CYRIA: variants seen among roughly 807,000 people sequenced by gnomAD.
CYRIA encodes CYFIP-related Rac1 interactor A.
A neutral mutation model predicts 43.9 loss-of-function variants in CYRIA; 15 were observed. The ratio of observed to expected loss-of-function variants is 0.34; its 90% CI spans 0.23 to 0.53. CYRIA has a LOEUF of 0.53. Ranked by LOEUF, CYRIA falls within the 20% of genes least tolerant of loss-of-function variation. The probability of loss-of-function intolerance (pLI) is 0.94; values close to 1 mark genes in which losing one functional copy is unlikely to be tolerated. For missense variants in CYRIA, 236 were observed against 394.2 expected (o/e 0.60, Z 3.40); for synonymous variants, 117 against 136.0 (o/e 0.86, Z 0.97).
At chr2:16,572,977 G>A (rs775590585) in intron 3 of CYRIA, among the ~76,000 whole-genome samples, 2 of 152,064 alleles carry the variant, frequency 1.3e-5, no homozygotes, top group Non-Finnish European at 2.9e-5. Context: ...TAAGCTTCTT[G>A]AACAAGAGAT....
chr2:16,572,912 T>G (rs1398749604), intron 3 of CYRIA, among the ~76,000 whole-genome samples: 1 of 152,224 alleles, frequency 6.6e-6, no homozygotes, highest in Non-Finnish European at 1.5e-5. Flanking sequence ...TCTTCCCTAC[T>G]ACCTGCACTA....
At chr2:16,660,025 A>G (rs1243897404) in intron 1 of CYRIA, among the ~76,000 whole-genome samples, 1 of 152,032 alleles carries the variant, frequency 6.6e-6, no homozygotes, top group Non-Finnish European at 1.5e-5. Flanking sequence ...TGGGAAGGAA[A>G]ACAGGGCTTC....
At chr2:16,587,799 T>G (rs559053262) in intron 3 of CYRIA, among the ~76,000 whole-genome samples, 1 of 152,098 alleles carries the variant, frequency 6.6e-6, no homozygotes, top group African/African-American at 2.4e-5. Flanking sequence ...CCTGCCACCA[T>G]GTAAGACGTC....
At chr2:16,562,193 T>G in intron 5 of CYRIA, 52 bp from the exon 6 acceptor site, 1 of 1,562,602 alleles carries the variant, frequency 6.4e-7, no homozygotes, top group Admixed American at 1.9e-5. Context: ...ACAGAGGTCC[T>G]TCAAAGAACA....
chr2:16,572,213 T>C lies in CYRIA; in HGVS notation c.71-6446A>G, dbSNP rs1040669257. Among the ~76,000 whole-genome samples the C allele has an allele frequency of 6.6e-5, 10 of 152,328 alleles. No homozygotes were observed. The South Asian group carries it at 1.9e-3, about 28-fold the overall frequency. The stretch of plus-strand genomic sequence containing the variant: ...AGTAATCTCTCTGGGTCCAGATTCA[T>C]TCTTGTTAAAAGAGAGGGAAGCTAA... On this transcript the variant is annotated intron_variant, in intron 3 of 11. Transcript: ENST00000381323.
At chr2:16,576,630 T>C (rs28695371) in intron 3 of CYRIA, among the ~76,000 whole-genome samples, 12,472 of 152,236 alleles carry the variant, frequency 0.082, 657 homozygotes, top group African/African-American at 0.14. Context: ...TATTGCATTA[T>C]TGATGTTGGT....
At chr2:16,565,076 G>A (rs1031629697) in intron 4 of CYRIA, among the ~76,000 whole-genome samples, 6 of 151,978 alleles carry the variant, frequency 3.9e-5, no homozygotes, top group African/African-American at 1.4e-4. Flanking sequence ...TGTGAGTCCT[G>A]CAATATCACT....
chr2:16,557,336 G>C (rs780336683), intron 10 of CYRIA, among the ~76,000 whole-genome samples: 4 of 152,030 alleles, frequency 2.6e-5, no homozygotes, highest in Non-Finnish European at 5.9e-5. Flanking sequence ...CCTCCCCCTA[G>C]GTTTCCAGAG....
intron 2 of CYRIA, among the ~76,000 whole-genome samples, chr2:16,613,806 C>T (rs1425986353): frequency 6.6e-6 from 1 of 152,214 alleles, no homozygotes; most frequent in Non-Finnish European, 1.5e-5. Flanking sequence ...TTTAAACTCA[C>T]AGTTGTAGTA....
At position 16,562,033 on chromosome 2, in the gene CYRIA, T is replaced by G; in HGVS notation, c.407A>C (p.His136Pro). 6.2e-7 allele frequency: 1 copy of G among 1,613,418 alleles called. No individual in the cohort carries two copies. The highest frequency in any genetic ancestry group is 2.2e-5 in the East Asian group (1 of 44,870). Residue 136 changes from histidine to proline, a missense_variant, in exon 6 of 12, where the codon CAT becomes CCT. This residue lies in a region of CYRIA where 193 missense variants were observed against 303.9 expected (regional missense o/e 0.64). Transcript: ENST00000381323. Reference protein sequence around the residue: ...ALAKEFAEILHFTLRFDELKM... With the variant: ...ALAKEFAEILPFTLRFDELKM... ...CAGCTCATCGAATCGAAGGGTAAAATGTAAAATTTCGGCAAACTCCTTTGC... is the reference window on the plus strand; with the variant it reads ...CAGCTCATCGAATCGAAGGGTAAAAGGTAAAATTTCGGCAAACTCCTTTGC...
At chr2:16,630,858 G>T (rs774652405) in intron 1 of CYRIA, among the ~76,000 whole-genome samples, 54 of 152,308 alleles carry the variant, frequency 3.5e-4, no homozygotes, top group Middle Eastern at 3.4e-3. Context: ...TTAGGGAGGG[G>T]TAAGGGGCAC....
intron 2 of CYRIA, among the ~76,000 whole-genome samples, chr2:16,623,384 A>G (rs1038683498): frequency 6.6e-6 from 1 of 152,226 alleles, no homozygotes; most frequent in East Asian, 1.9e-4. Flanking sequence ...GGTGATGAGA[A>G]TGGTTAGCTG....
chr2:16,604,975 T>G (rs1318506951), intron 2 of CYRIA, among the ~76,000 whole-genome samples: 1 of 152,188 alleles, frequency 6.6e-6, no homozygotes, highest in Non-Finnish European at 1.5e-5. Context: ...TTTCAAAACG[T>G]TTTAACACTA....
At chr2:16,621,337 C>A (rs1668987429) in intron 2 of CYRIA, among the ~76,000 whole-genome samples, 1 of 152,168 alleles carries the variant, frequency 6.6e-6, no homozygotes, top group African/African-American at 2.4e-5. Context: ...CTGTTTACAT[C>A]AACCTACTTT....
Position 16,588,144 on chromosome 2 carries a change from A to G in CYRIA, c.-10-15T>C, listed in dbSNP as rs1038627477. ...TCCCAGCAAACCTAGGAAAGGCAAC[A>G]CAAAACCAAATACCATTAGCAACAT... is the stretch of plus-strand genomic sequence containing the variant. On this transcript the variant is annotated splice_polypyrimidine_tract_variant and intron_variant, in intron 2 of 11. Coordinates refer to ENST00000381323, the MANE Select transcript of CYRIA (RefSeq NM_030797.4). 20 of 1,545,544 alleles carry G rather than the reference A, an allele frequency of 1.3e-5. No homozygotes were observed. The highest frequency in any genetic ancestry group is 4.1e-5 in the African/African-American group (3 of 72,588).
chr2:16,589,201 G>A (rs921643927), intron 2 of CYRIA, among the ~76,000 whole-genome samples: 32 of 152,068 alleles, frequency 2.1e-4, no homozygotes, highest in African/African-American at 7.7e-4. Context: ...GGATCAGTTT[G>A]AAAAATTACT....
intron 2 of CYRIA, among the ~76,000 whole-genome samples, chr2:16,606,549 A>G (rs1319948382): frequency 1.3e-5 from 2 of 151,208 alleles, no homozygotes; most frequent in Non-Finnish European, 3.0e-5. Context: ...ATATAACTAA[A>G]AAAAAAAAAA....
chr2:16,583,812 A>G (rs1428343229), intron 3 of CYRIA, among the ~76,000 whole-genome samples: 1 of 152,204 alleles, frequency 6.6e-6, no homozygotes, highest in African/African-American at 2.4e-5. Context: ...AAACAACAAC[A>G]AAGATGTTAA....
At chr2:16,659,830 C>T (rs1670201372) in intron 1 of CYRIA, among the ~76,000 whole-genome samples, 1 of 152,198 alleles carries the variant, frequency 6.6e-6, no homozygotes, top group Admixed American at 6.5e-5. Context: ...TAACTTAAAA[C>T]AGAAGAGCAC....
Sources: gnomAD v4.1 joint callset for allele counts (sites outside exome capture counted in the v4.1 genomes callset) on GRCh38, gnomAD v4.1.1 for gene constraint, gnomAD v4.1.1 regional missense constraint, MANE v1.5 for transcripts, NCBI Gene and HGNC (gene_info 2026-07-23, HGNC 2026-07-21) for gene names.